PPIL4: variants seen among roughly 807,000 people sequenced by gnomAD.
The protein encoded by PPIL4 is peptidyl-prolyl cis-trans isomerase-like 4.
In PPIL4, 50 loss-of-function variants were observed where a neutral mutation model predicts 69.1. That is an observed-to-expected ratio of 0.72 (90% CI 0.58 to 0.92). PPIL4 has a LOEUF of 0.92. PPIL4 is among the 40% of genes least tolerant of loss of function. PPIL4 has a pLI of 0.00. For missense variants in PPIL4, 480 were observed against 587.9 expected (o/e 0.82, Z 1.90); for synonymous variants, 193 against 191.6 (o/e 1.01, Z -0.06).
At chr6:149,517,253 G>A in intron 11 of PPIL4, 101 bp downstream of exon 11, 1 of 669,302 alleles carries the variant, frequency 1.5e-6, no homozygotes, top group Non-Finnish European at 2.6e-6. Flanking sequence ...CAGGAAATTT[G>A]TCTTCTATAG....
At chr6:149,519,508 G>A (rs1479092299) in intron 10 of PPIL4, among the ~76,000 whole-genome samples, 1 of 152,114 alleles carries the variant, frequency 6.6e-6, no homozygotes, top group East Asian at 1.9e-4. Flanking sequence ...TTCAATTTAG[G>A]TTTCACAAAT....
At chr6:149,518,583 C>T (rs1776981465) in intron 10 of PPIL4, among the ~76,000 whole-genome samples, 1 of 152,156 alleles carries the variant, frequency 6.6e-6, no homozygotes, top group Non-Finnish European at 1.5e-5. Flanking sequence ...TTGGCAATTC[C>T]AGAGACTCCA....
At chr6:149,508,513 GTCTAA>G (rs1459873784) in intron 12 of PPIL4, among the ~76,000 whole-genome samples, 2 of 152,122 alleles carry the variant, frequency 1.3e-5, no homozygotes, top group African/African-American at 4.8e-5. Context: ...ATCAAAAAAA[GTCTAA>G]TCTAATTAAA....
chr6:149,509,479 G>A (rs955594073), intron 12 of PPIL4, among the ~76,000 whole-genome samples: 1 of 152,150 alleles, frequency 6.6e-6, no homozygotes, highest in African/African-American at 2.4e-5. Flanking sequence ...GCACATGGAG[G>A]GGGAAAGAAT....
chr6:149,522,919 C>T (rs1052003015), intron 9 of PPIL4, among the ~76,000 whole-genome samples: 1 of 152,040 alleles, frequency 6.6e-6, no homozygotes, highest in Non-Finnish European at 1.5e-5. Flanking sequence ...CCAGGACAAC[C>T]TTTTAAATAA....
chr6:149,535,472 C>T (rs1295262878), intron 5 of PPIL4, 124 bp downstream of exon 5: 1 of 541,774 alleles, frequency 1.8e-6, no homozygotes, highest in Non-Finnish European at 3.0e-6. Context: ...ATTAATTCAC[C>T]TTTTGGGATT....
At chr6:149,511,902 G>A (rs990862492) in intron 12 of PPIL4, among the ~76,000 whole-genome samples, 1 of 152,108 alleles carries the variant, frequency 6.6e-6, no homozygotes, top group Admixed American at 6.5e-5. Context: ...CCACAGGTAC[G>A]GAAATCACTC....
At chr6:149,535,780 A>G (rs774713591) in intron 4 of PPIL4, 42 bp from the exon 5 acceptor site, 10 of 1,418,460 alleles carry the variant, frequency 7.0e-6, no homozygotes, top group Middle Eastern at 3.6e-4. Flanking sequence ...AAAATAATAC[A>G]TAACTCAAAC....
chr6:149,544,725 T>G (rs894376240), intron 1 of PPIL4, among the ~76,000 whole-genome samples: 6 of 152,178 alleles, frequency 3.9e-5, no homozygotes, highest in Non-Finnish European at 7.3e-5. Context: ...GAGAAGAATA[T>G]TGTTTAGAAG....
chr6:149,505,710 A>T lies in PPIL4; in HGVS notation c.1228-6T>A. The T allele has an allele frequency of 1.2e-6, 2 of 1,604,640 alleles. No individual in the cohort carries two copies. Among genetic ancestry groups the T allele is most frequent in the Non-Finnish European group, 8.5e-7 (1 of 1,175,120 alleles). Reference sequence around the variant, plus strand: ...CCCATTTCTCTATAGATATCCTGTCAAAGGAAGGGGGAATTACAAGTGAAT... The same window carrying T: ...CCCATTTCTCTATAGATATCCTGTCTAAGGAAGGGGGAATTACAAGTGAAT... On this transcript the variant is annotated splice_polypyrimidine_tract_variant and splice_region_variant and intron_variant, in intron 12 of 12. Transcript: ENST00000253329.
chr6:149,545,813 C>T (rs1777431604), intron 1 of PPIL4, 123 bp downstream of exon 1: 1 of 863,506 alleles, frequency 1.2e-6, no homozygotes, highest in Non-Finnish European at 1.8e-6. Flanking sequence ...AGCCCAGTCG[C>T]GGGCACCAGC....
intron 1 of PPIL4, among the ~76,000 whole-genome samples, chr6:149,543,898 T>C (rs1411332600): frequency 6.6e-6 from 1 of 152,186 alleles, no homozygotes; most frequent in Non-Finnish European, 1.5e-5. Flanking sequence ...AAATTTTCTA[T>C]AATAAAAAGT....
intron 4 of PPIL4, among the ~76,000 whole-genome samples, chr6:149,540,411 T>C (rs1423450771): frequency 1.3e-5 from 2 of 152,214 alleles, no homozygotes; most frequent in Non-Finnish European, 1.5e-5. Flanking sequence ...GGTCACGTGA[T>C]TGAGACCATC....
intron 4 of PPIL4, among the ~76,000 whole-genome samples, chr6:149,537,125 C>CAA (rs767886058): frequency 3.3e-5 from 3 of 91,558 alleles, no homozygotes; most frequent in Admixed American, 1.2e-4. Context: ...GAATCTGTCT[C>CAA]AAAAAAAAAA....
At chr6:149,537,480 G>C (rs1777295742) in intron 4 of PPIL4, among the ~76,000 whole-genome samples, 1 of 152,168 alleles carries the variant, frequency 6.6e-6, no homozygotes, top group Non-Finnish European at 1.5e-5. Context: ...GGCCGAGGCG[G>C]GTGGATCACG....
chr6:149,507,924 T>C (rs1245945080), intron 12 of PPIL4, among the ~76,000 whole-genome samples: 1 of 152,100 alleles, frequency 6.6e-6, no homozygotes, highest in Non-Finnish European at 1.5e-5. Flanking sequence ...TAAGTGAGCT[T>C]GGGTCTGAAT....
intron 5 of PPIL4, 76 bp downstream of exon 5, chr6:149,535,520 T>C: frequency 8.6e-7 from 1 of 1,166,600 alleles, no homozygotes. Flanking sequence ...ATACCGTTCC[T>C]ATCCATACCA....
chr6:149,545,987 T>G lies in PPIL4; in HGVS notation c.19A>C (p.Thr7Pro). 1 of 1,585,052 alleles carries G rather than the reference T, an allele frequency of 6.3e-7. No individual in the cohort carries two copies. Among genetic ancestry groups the G allele is most frequent in the Non-Finnish European group, 8.6e-7 (1 of 1,163,012 alleles). The part of the protein sequence containing the change: MAVLLE[T>P]TLGDVVIDLY... Reference sequence around the variant, plus strand: ...TCGATGACGACGTCGCCTAAAGTGGTCTCCAGTAGAACCGCCATGGCGCCC... The same window carrying G: ...TCGATGACGACGTCGCCTAAAGTGGGCTCCAGTAGAACCGCCATGGCGCCC... Residue 7 changes from threonine (T) to proline (P), a missense_variant, in exon 1 of 13, where the codon ACC (threonine) becomes CCC (proline). Physicochemically the swap from Thr to Pro is conservative, Grantham distance 38 (BLOSUM62 -1). Coordinates refer to ENST00000253329, the MANE Select transcript of PPIL4 (RefSeq NM_139126.4).
At chr6:149,507,161 T>C (rs922550283) in intron 12 of PPIL4, among the ~76,000 whole-genome samples, 1 of 152,216 alleles carries the variant, frequency 6.6e-6, no homozygotes, top group African/African-American at 2.4e-5. Context: ...AGGCTTAAAA[T>C]TCAGAGTGAT....
Sources: gnomAD v4.1 joint callset for allele counts (sites outside exome capture counted in the v4.1 genomes callset) on GRCh38, gnomAD v4.1.1 for gene constraint, MANE v1.5 for transcripts, NCBI Gene and HGNC (gene_info 2026-07-23, HGNC 2026-07-21) for gene names.